CREB5: variants seen among roughly 807,000 people sequenced by gnomAD.
CREB5 encodes the protein cyclic AMP-responsive element-binding protein 5.
In CREB5, 19 loss-of-function variants were observed where a neutral mutation model predicts 57.1. That is an observed-to-expected ratio of 0.33 (90% CI 0.23 to 0.49). The LOEUF is 0.49. Among genes scored for constraint, CREB5 ranks in the 20% least tolerant of loss-of-function variants. CREB5 has a pLI of 0.99. For synonymous variants in CREB5, 238 were observed against 238.3 expected, an observed-to-expected ratio of 1.00 and a Z score of 0.01; for missense variants, 579 against 671.6, an observed-to-expected ratio of 0.86 and a Z score of 1.52.
intron 9 of CREB5, among the ~76,000 whole-genome samples, chr7:28,811,184 C>T (rs548582484): frequency 2.5e-4 from 38 of 152,252 alleles, no homozygotes; most frequent in Middle Eastern, 3.4e-3. Context: ...AGTATAGTGT[C>T]TACACTCAGT....
chr7:28,590,707 T>TAAA (rs1335467742), intron 5 of CREB5, among the ~76,000 whole-genome samples: 1 of 138,484 alleles, frequency 7.2e-6, no homozygotes, highest in African/African-American at 2.8e-5. Flanking sequence ...ATAATAATAA[T>TAAA]AAAAACCCAA....
At position 28,627,086 on chromosome 7, in the gene CREB5, C is replaced by T. The variant is rs557342758; in HGVS notation, c.464+56549C>T. On this transcript the variant is annotated intron_variant, in intron 5 of 10. Coordinates refer to ENST00000357727, the MANE Select transcript of CREB5 (RefSeq NM_182898.4). ...GTCCTCCACCCCATCCATTCTGCTA[C>T]GCCCCTGGCCTTCTGCCAGGGTGTC... Among the ~76,000 whole-genome samples the T allele has an allele frequency of 1.7e-4, 26 of 152,356 alleles. No individual in the cohort carries two copies. The South Asian group carries it at 3.9e-3, about 23-fold the overall frequency.
chr7:28,660,977 G>T (rs1047420948), intron 5 of CREB5, among the ~76,000 whole-genome samples: 1 of 151,742 alleles, frequency 6.6e-6, no homozygotes, highest in African/African-American at 2.4e-5. Context: ...TGTCATCAGT[G>T]CTGTTTTCTC....
At chr7:28,672,945 T>C (rs189306506) in intron 5 of CREB5, among the ~76,000 whole-genome samples, 105 of 152,354 alleles carry the variant, frequency 6.9e-4, no homozygotes, top group Admixed American at 1.7e-3. Context: ...GTAACCATTA[T>C]GGCATTTGGC....
chr7:28,338,529 C>T (rs1277431056), intron 1 of CREB5, among the ~76,000 whole-genome samples: 2 of 152,070 alleles, frequency 1.3e-5, no homozygotes, highest in East Asian at 1.9e-4. Flanking sequence ...TTTCTTTTCT[C>T]TTGCTGCTTG....
rs1053797572 is a variant in CREB5 at position 28,737,580 on chromosome 7, T to C, written c.702+13248T>C. On this transcript the variant is annotated intron_variant, in intron 7 of 10. Coordinates refer to ENST00000357727, the MANE Select transcript of CREB5 (RefSeq NM_182898.4). ...ATATATATATATATATATATATATA[T>C]ATATATATTTTTAACTCCTGTTTCA... Among the ~76,000 whole-genome samples, 4 of 34,638 alleles carry C rather than the reference T, an allele frequency of 1.2e-4. No homozygotes were observed. In the Admixed American group the frequency reaches 1.3e-3, roughly 12 times the overall value. The allele number at this position is 34,638 out of a possible 152,430, so 22.7% of individuals were successfully genotyped here. A position where few individuals can be genotyped will look rare whatever the true frequency, so the allele number is the denominator to read the frequency against.
intron 5 of CREB5, among the ~76,000 whole-genome samples, chr7:28,714,933 C>G (rs1373372519): frequency 2.0e-5 from 3 of 152,226 alleles, no homozygotes; most frequent in Non-Finnish European, 4.4e-5. Flanking sequence ...GAATTATTAG[C>G]TCATGGCAAC....
chr7:28,473,936 G>A (rs997968514), intron 1 of CREB5, among the ~76,000 whole-genome samples: 1 of 152,304 alleles, frequency 6.6e-6, no homozygotes, highest in South Asian at 2.1e-4. Context: ...TTTGTGCACT[G>A]TGGAATTTGG....
At chr7:28,432,026 C>T (rs1482660161) in intron 1 of CREB5, among the ~76,000 whole-genome samples, 3 of 134,466 alleles carry the variant, frequency 2.2e-5, no homozygotes, top group Non-Finnish European at 4.6e-5. Context: ...TGATTCTGAT[C>T]GAATTAGCTA....
rs869277871 is a variant in CREB5 at position 28,306,555 on chromosome 7, GTTTTTTTT to G, written c.-25+7130_-25+7137del. Among the ~76,000 whole-genome samples, 432 of 58,076 alleles carry G rather than the reference GTTTTTTTT, an allele frequency of 7.4e-3. 4 individuals carry two copies. The highest frequency in any genetic ancestry group is 0.026 in the African/African-American group (401 of 15,494). 38.1% of individuals were successfully genotyped at this position (58,076 alleles called of 152,430 possible). ...ATACAGATACAGTTTTGTTTTTTTT[GTTTTTTTT>G]TTTTTTTTTTTTTTTGAGACGGAGT... On this transcript the variant is annotated intron_variant, in intron 1 of 9. Transcript: ENST00000396299.
In CREB5 at chr7:28,723,355, T is replaced by C. The variant is rs1218792354; in HGVS notation, c.592-867T>C. The stretch of plus-strand genomic sequence containing the variant: ...GAAGTAGACATTTTGCCGTATTCGC[T>C]TCTTAGTACGAGCACCCTGGAGATT... On this transcript the variant is annotated intron_variant, in intron 6 of 10. Transcript: ENST00000357727. Among the ~76,000 whole-genome samples, 4 of 152,236 alleles carry C rather than the reference T, an allele frequency of 2.6e-5. No homozygotes were observed. The East Asian group carries it at 7.7e-4, about 29-fold the overall frequency.
intron 7 of CREB5, among the ~76,000 whole-genome samples, chr7:28,726,895 C>T (rs993923018): frequency 3.9e-5 from 6 of 152,130 alleles, no homozygotes; most frequent in African/African-American, 1.4e-4. Flanking sequence ...TCTGGCGAAA[C>T]TTGGAGGTCT....
chr7:28,599,738 T>TGTTTA, intron 5 of CREB5, among the ~76,000 whole-genome samples: 2 of 2,678 alleles, frequency 7.5e-4, no homozygotes. Flanking sequence ...TGTTTTGTTT[T>TGTTTA]GTTTTGTTTT....
rs191788001 is a variant in CREB5, at chr7:28,682,686, G to T, written c.465-36067G>T. On this transcript the variant is annotated intron_variant, in intron 5 of 10. Transcript: ENST00000357727. ...GAATAAATTCAAACCTAAAAGTGGG[G>T]GGGGGGGGAAACCCCAGCTCTCTCT... Among the ~76,000 whole-genome samples, 25 of 147,552 alleles carry T rather than the reference G, an allele frequency of 1.7e-4. 1 individual carries two copies. The highest frequency in any genetic ancestry group is 5.8e-4 in the East Asian group (3 of 5,168).
At chr7:28,341,772 C>G (rs1255082006) in intron 1 of CREB5, among the ~76,000 whole-genome samples, 2 of 152,234 alleles carry the variant, frequency 1.3e-5, no homozygotes, top group Non-Finnish European at 2.9e-5. Context: ...AGCACTTTCT[C>G]TTGCCCTTGC....
chr7:28,455,110 G>T (rs2128571007), intron 1 of CREB5, among the ~76,000 whole-genome samples: 1 of 152,306 alleles, frequency 6.6e-6, no homozygotes, highest in South Asian at 2.1e-4. Context: ...AGGGGGCAAA[G>T]CCACATGTGA....
Position 28,572,837 on chromosome 7 carries a change from C to T in CREB5, c.464+2300C>T, listed in dbSNP as rs565204412. On this transcript the variant is annotated intron_variant, in intron 5 of 10. Coordinates refer to ENST00000357727, the MANE Select transcript of CREB5 (RefSeq NM_182898.4). ...GAGGCGGGTGTTTCTGTGGTATGGACGCCTTTTGGACACACTCCATCTTCC... is the reference window on the plus strand; with the variant it reads ...GAGGCGGGTGTTTCTGTGGTATGGATGCCTTTTGGACACACTCCATCTTCC... 1.2e-3 allele frequency among the ~76,000 whole-genome samples: 181 copies of T among 152,236 alleles called. 1 individual carries two copies. Among genetic ancestry groups the T allele is most frequent in the African/African-American group, 3.7e-3 (153 of 41,548 alleles).
At chr7:28,329,082 A>C (rs954394665) in intron 1 of CREB5, among the ~76,000 whole-genome samples, 2 of 152,208 alleles carry the variant, frequency 1.3e-5, no homozygotes, top group Admixed American at 1.3e-4. Context: ...CTCTGTTCAG[A>C]GGAATATCTC....
chr7:28,541,019 A>G (rs1034975042), intron 4 of CREB5, among the ~76,000 whole-genome samples: 2 of 152,210 alleles, frequency 1.3e-5, no homozygotes, highest in African/African-American at 4.8e-5. Flanking sequence ...CATCAGACGT[A>G]TTTCCAAACT....
Sources: allele counts gnomAD v4.1 joint callset (sites outside exome capture counted in the v4.1 genomes callset), GRCh38; gene constraint gnomAD v4.1.1; transcripts MANE v1.5; gene names NCBI Gene and HGNC (gene_info 2026-07-23, HGNC 2026-07-21).